The following CUEDC1 variants were observed in gnomAD, a reference collection of about 807,000 sequenced individuals.
CUEDC1 encodes CUE domain-containing protein 1.
A neutral mutation model predicts 43.7 loss-of-function variants in CUEDC1; 30 were observed. The ratio of observed to expected loss-of-function variants is 0.69; its 90% CI spans 0.51 to 0.93. The LOEUF is 0.93. Ranked by LOEUF, CUEDC1 falls within the 40% of genes least tolerant of loss-of-function variation. CUEDC1 has a pLI of 0.00. For synonymous variants in CUEDC1, 223 were observed against 223.6 expected (o/e 1.00, Z 0.02); for missense variants, 486 against 549.0 (o/e 0.89, Z 1.15).
intron 1 of CUEDC1, among the ~76,000 whole-genome samples, chr17:57,891,712 C>T (rs546873310): frequency 6.6e-6 from 1 of 152,332 alleles, no homozygotes; most frequent in South Asian, 2.1e-4. Context: ...CCAGGGGCCT[C>T]TGAACTTACT....
At chr17:57,906,471 G>C (rs2074530733) in intron 1 of CUEDC1, among the ~76,000 whole-genome samples, 1 of 152,100 alleles carries the variant, frequency 6.6e-6, no homozygotes, top group Admixed American at 6.5e-5. Flanking sequence ...GGAGAATTGG[G>C]GACTTATTAC....
At chr17:57,874,399 G>C (rs1031616589) in intron 3 of CUEDC1, among the ~76,000 whole-genome samples, 3 of 152,220 alleles carry the variant, frequency 2.0e-5, no homozygotes, top group African/African-American at 7.2e-5. Flanking sequence ...GCGTGGAGAT[G>C]TGAGTGTGGA....
At chr17:57,893,484 G>A (rs1185170576) in intron 1 of CUEDC1, among the ~76,000 whole-genome samples, 11 of 152,278 alleles carry the variant, frequency 7.2e-5, no homozygotes, top group East Asian at 3.9e-4. Context: ...ACCTTTAAAC[G>A]CTGAGCCTCC....
chr17:57,902,298 A>G (rs1392262235), intron 1 of CUEDC1, among the ~76,000 whole-genome samples: 1 of 152,218 alleles, frequency 6.6e-6, no homozygotes, highest in East Asian at 1.9e-4. Flanking sequence ...CACTCACTCC[A>G]GCCTGGGCAA....
rs139694880 is a variant in CUEDC1, at chr17:57,918,642, C to A, written c.-315-32763G>T. ...AAAAGAGGAGTCAGAGTTTTTCCGA[C>A]ACAAAGTATGATTTGGCTGGCTGGT... is the stretch of plus-strand genomic sequence containing the variant. On this transcript the variant is annotated intron_variant, in intron 1 of 10. Transcript: ENST00000577830. Among the ~76,000 whole-genome samples the A allele has an allele frequency of 7.9e-5, 12 of 152,330 alleles. No homozygotes were observed. The East Asian group carries it at 1.9e-3, about 24-fold the overall frequency.
At chr17:57,923,599 A>G (rs1429797239) in intron 1 of CUEDC1, among the ~76,000 whole-genome samples, 2 of 152,174 alleles carry the variant, frequency 1.3e-5, no homozygotes, top group Non-Finnish European at 2.9e-5. Context: ...AGCTGAAACA[A>G]TGGCAACTCT....
At chr17:57,879,506 A>G (rs34534290) in intron 3 of CUEDC1, 105 bp downstream of exon 3, 33 of 1,400,630 alleles carry the variant, frequency 2.4e-5, no homozygotes, top group Non-Finnish European at 3.1e-5. Flanking sequence ...CTGTTCTTTG[A>G]AATATACTGA....
At chr17:57,917,832 G>T (rs2074658489) in intron 1 of CUEDC1, among the ~76,000 whole-genome samples, 1 of 152,184 alleles carries the variant, frequency 6.6e-6, no homozygotes, top group South Asian at 2.1e-4. Context: ...AGGGGCAGAG[G>T]CTGAACTCTG....
At position 57,954,235 on chromosome 17, in the gene CUEDC1, G is replaced by A. The variant is rs1183998979; in HGVS notation, c.-316+990C>T. On this transcript the variant is annotated intron_variant, in intron 1 of 10. Coordinates refer to ENST00000577830, the MANE Select transcript of CUEDC1 (RefSeq NM_001271875.2). This position sits in a 1 kb window ranked among gnomAD's most constrained non-coding sequence, Gnocchi z 4.3. ...CCTCTCGCTACAAGACGCTGACTGC[G>A]GATCAGGTGGGGAGCACGGTGGATG... is the stretch of plus-strand genomic sequence containing the variant. 2.0e-5 allele frequency among the ~76,000 whole-genome samples: 3 copies of A among 152,166 alleles called. No homozygotes were observed. The highest frequency in any genetic ancestry group is 2.9e-5 in the Non-Finnish European group (2 of 68,030).
intron 1 of CUEDC1, among the ~76,000 whole-genome samples, chr17:57,924,192 G>A (rs150546082): frequency 0.051 from 7,733 of 152,026 alleles, 264 homozygotes; most frequent in Middle Eastern, 0.095. Flanking sequence ...TGCAACCTCC[G>A]CCTCCCAGGT....
chr17:57,872,819 C>A lies in CUEDC1; in HGVS notation c.628G>T (p.Gly210Ter), dbSNP rs1286182319. 6.2e-7 allele frequency: 1 copy of A among 1,613,942 alleles called. No homozygotes were observed. Among genetic ancestry groups the A allele is most frequent in the Non-Finnish European group, 8.5e-7 (1 of 1,179,932 alleles). The change falls in exon 5 of 11, where the codon GGA becomes TGA. Residue 210 changes from glycine (G) to a stop codon, truncating the protein, a stop_gained. Transcript: ENST00000577830. LOFTEE classifies it high-confidence loss of function. The stretch of plus-strand genomic sequence containing the variant: ...GGCCCAGCCATGGCAGGTGGACATC[C>A]CTCTCCACTCCCAGGCTTGGGGCCC... ...AGGPKPGSGEGCPPAMAGPGP... is the reference protein window; with the variant it reads ...AGGPKPGSGE
chr17:57,933,693 C>A, intron 1 of CUEDC1, among the ~76,000 whole-genome samples: 1 of 152,176 alleles, frequency 6.6e-6, no homozygotes, highest in South Asian at 2.1e-4. Context: ...CCTCTCCCGG[C>A]CAGACTGGAA....
At chr17:57,938,643 TTTTA>T (rs890219941) in intron 1 of CUEDC1, among the ~76,000 whole-genome samples, 17 of 152,002 alleles carry the variant, frequency 1.1e-4, no homozygotes, top group Non-Finnish European at 1.6e-4. Context: ...TATTTTTAAA[TTTTA>T]TTTATTTATT....
chr17:57,941,633 A>G (rs530382851), intron 1 of CUEDC1, among the ~76,000 whole-genome samples: 1 of 152,372 alleles, frequency 6.6e-6, no homozygotes, highest in East Asian at 1.9e-4. Context: ...CATTTTTCAC[A>G]GTAAAAGGTT....
At chr17:57,914,369 G>C (rs2074615947) in intron 1 of CUEDC1, among the ~76,000 whole-genome samples, 1 of 152,146 alleles carries the variant, frequency 6.6e-6, no homozygotes, top group African/African-American at 2.4e-5. Flanking sequence ...GTTAAACCTT[G>C]GGGGGTCGGG....
intron 3 of CUEDC1, among the ~76,000 whole-genome samples, chr17:57,874,918 G>T (rs1230194602): frequency 6.6e-6 from 1 of 152,190 alleles, no homozygotes; most frequent in African/African-American, 2.4e-5. Context: ...GCTGCTAAGT[G>T]CCTGGTGGGA....
chr17:57,896,485 G>GC (rs1491489061), intron 1 of CUEDC1, among the ~76,000 whole-genome samples: 2 of 32,806 alleles, frequency 6.1e-5, no homozygotes, highest in Non-Finnish European at 1.2e-4. Flanking sequence ...AGTGCATTAT[G>GC]GGGTGTGTGT....
At chr17:57,912,095 G>A (rs939340213) in intron 1 of CUEDC1, among the ~76,000 whole-genome samples, 1 of 152,188 alleles carries the variant, frequency 6.6e-6, no homozygotes, top group African/African-American at 2.4e-5. Flanking sequence ...GGTGCTCTGT[G>A]AGGATCCCTC....
At chr17:57,927,022 T>C (rs2074753936) in intron 1 of CUEDC1, among the ~76,000 whole-genome samples, 1 of 152,134 alleles carries the variant, frequency 6.6e-6, no homozygotes, top group African/African-American at 2.4e-5. Flanking sequence ...GAGGCGCAGC[T>C]GGGGGAAACA....
Sources: gnomAD v4.1 joint callset for allele counts (sites outside exome capture counted in the v4.1 genomes callset) on GRCh38, gnomAD v4.1.1 for gene constraint, Gnocchi (gnomAD v3.1) non-coding constraint, MANE v1.5 for transcripts, NCBI Gene and HGNC (gene_info 2026-07-23, HGNC 2026-07-21) for gene names.